Variants in UNC79 observed in about 807,000 individuals in gnomAD.
UNC79 encodes protein unc-79 homolog.
Under a neutral mutation model 283.1 loss-of-function variants are expected in UNC79, and 37 were observed. That is an observed-to-expected ratio of 0.13 (90% CI 0.10 to 0.17). UNC79 has a LOEUF of 0.17. Among genes scored for constraint, UNC79 ranks in the 10% least tolerant of loss-of-function variants. UNC79 has a pLI of 1.00. For synonymous variants in UNC79, 1,107 were observed against 1,200.2 expected, an observed-to-expected ratio of 0.92 and a Z score of 1.61; for missense variants, 2,272 against 3,211.1, an observed-to-expected ratio of 0.71 and a Z score of 7.07.
At chr14:93,558,323 G>A (rs971772272) in intron 14 of UNC79, among the ~76,000 whole-genome samples, 2 of 152,206 alleles carry the variant, frequency 1.3e-5, no homozygotes, top group Non-Finnish European at 2.9e-5. Context: ...TTGGGAGGCT[G>A]AGGCGGGCAG....
chr14:93,487,761 T>C lies in UNC79; in HGVS notation c.712+6T>C, dbSNP rs1272382751. On this transcript the variant is annotated splice_donor_region_variant and intron_variant, in intron 5 of 48. Transcript: ENST00000555664. ...GCAGTACACATCCAATCCAGGTAAGTGGAAATTGGAATGGTTTGACTAATT... is the reference window on the plus strand; with the variant it reads ...GCAGTACACATCCAATCCAGGTAAGCGGAAATTGGAATGGTTTGACTAATT... The C allele has an allele frequency of 1.9e-6, 3 of 1,609,382 alleles. No individual in the cohort carries two copies. The highest frequency in any genetic ancestry group is 4.5e-5 in the East Asian group (2 of 44,820).
intron 14 of UNC79, 94 bp downstream of exon 14, chr14:93,542,790 G>A: frequency 2.6e-6 from 3 of 1,173,130 alleles, no homozygotes; most frequent in Admixed American, 3.7e-5. Flanking sequence ...TGTCTGCAGA[G>A]GAGGAACATC....
intron 1 of UNC79, among the ~76,000 whole-genome samples, chr14:93,465,103 C>G (rs2057116710): frequency 6.6e-6 from 1 of 152,014 alleles, no homozygotes; most frequent in African/African-American, 2.4e-5. Flanking sequence ...TTTCTCTGTC[C>G]CACTTTCTTT....
intron 1 of UNC79, among the ~76,000 whole-genome samples, chr14:93,418,432 G>C (rs980301157): frequency 7.2e-5 from 11 of 151,726 alleles, no homozygotes; most frequent in African/African-American, 2.4e-4. Flanking sequence ...TGCCCCTACT[G>C]GGGGGTGCCT....
At chr14:93,445,273 C>T (rs115146313) in intron 1 of UNC79, among the ~76,000 whole-genome samples, 2,059 of 152,254 alleles carry the variant, frequency 0.014, 57 homozygotes, top group African/African-American at 0.048. Flanking sequence ...TTTACATCTG[C>T]CTTTCCAATC....
intron 1 of UNC79, among the ~76,000 whole-genome samples, chr14:93,364,090 C>T (rs565667694): frequency 1.3e-5 from 2 of 152,160 alleles, no homozygotes; most frequent in South Asian, 4.2e-4. Context: ...ATAAGAGACC[C>T]CTGCACACCA....
At chr14:93,553,674 T>C (rs546427367) in intron 14 of UNC79, among the ~76,000 whole-genome samples, 1 of 152,306 alleles carries the variant, frequency 6.6e-6, no homozygotes, top group South Asian at 2.1e-4. Context: ...CTTAGGCATA[T>C]CAGAATCATA....
At chr14:93,361,519 A>G (rs1362524080) in intron 1 of UNC79, among the ~76,000 whole-genome samples, 1 of 152,070 alleles carries the variant, frequency 6.6e-6, no homozygotes, top group Non-Finnish European at 1.5e-5. Context: ...TCAAAAAAAA[A>G]AAAAAAGAAA....
intron 1 of UNC79, among the ~76,000 whole-genome samples, chr14:93,370,185 A>G (rs1166994963): frequency 6.6e-6 from 1 of 152,242 alleles, no homozygotes; most frequent in Non-Finnish European, 1.5e-5. Context: ...TCTAAAAGAC[A>G]TAAAGAACGA....
chr14:93,670,349 G>A lies in UNC79; in HGVS notation c.6637-3002G>A, dbSNP rs184976163. On this transcript the variant is annotated intron_variant, in intron 40 of 48. Transcript: ENST00000555664. ...TCCCACCTTCATTTGCCAATTGCAGGCTCTGGTTGTTTTACCCGTGCTTTT... is the reference window on the plus strand; with the variant it reads ...TCCCACCTTCATTTGCCAATTGCAGACTCTGGTTGTTTTACCCGTGCTTTT... Among the ~76,000 whole-genome samples, 329 of 152,314 alleles carry A rather than the reference G, an allele frequency of 2.2e-3. 1 individual carries two copies. Among genetic ancestry groups the A allele is most frequent in the Non-Finnish European group, 3.9e-3 (265 of 68,028 alleles).
intron 5 of UNC79, among the ~76,000 whole-genome samples, chr14:93,491,752 T>C (rs2058735378): frequency 6.6e-6 from 1 of 152,172 alleles, no homozygotes; most frequent in African/African-American, 2.4e-5. Flanking sequence ...GAGTTGAATG[T>C]TGAGTTGAAT....
At chr14:93,417,814 C>T (rs1044999232) in intron 1 of UNC79, among the ~76,000 whole-genome samples, 5 of 149,784 alleles carry the variant, frequency 3.3e-5, no homozygotes, top group South Asian at 4.5e-4. Context: ...TTGATTGCAT[C>T]GACTCCTGAG....
intron 1 of UNC79, among the ~76,000 whole-genome samples, chr14:93,380,541 G>A (rs1468573147): frequency 6.6e-6 from 1 of 152,080 alleles, no homozygotes; most frequent in Non-Finnish European, 1.5e-5. Context: ...TTTTCTATGA[G>A]TACACCCTAT....
At chr14:93,551,071 A>G (rs1567096687) in intron 14 of UNC79, among the ~76,000 whole-genome samples, 1 of 151,944 alleles carries the variant, frequency 6.6e-6, no homozygotes, top group Non-Finnish European at 1.5e-5. Flanking sequence ...TTAAATCGAG[A>G]CGGAGTCTCG....
chr14:93,477,756 T>C (rs750519795), intron 4 of UNC79, 28 bp downstream of exon 4: 43 of 1,589,540 alleles, frequency 2.7e-5, no homozygotes, highest in Non-Finnish European at 3.7e-5. Context: ...TAATACTAGA[T>C]TATTTTTATG....
intron 1 of UNC79, among the ~76,000 whole-genome samples, chr14:93,363,714 T>C (rs574344592): frequency 6.6e-6 from 1 of 152,076 alleles, no homozygotes; most frequent in Non-Finnish European, 1.5e-5. Context: ...TATATCACTA[T>C]GTAATGCCTT....
intron 1 of UNC79, among the ~76,000 whole-genome samples, chr14:93,343,628 A>G (rs2053761318): frequency 6.6e-6 from 1 of 152,188 alleles, no homozygotes; most frequent in African/African-American, 2.4e-5. Context: ...CTAGAGAGGA[A>G]TGAATTTGAG....
At chr14:93,348,944 C>G (rs2053925907) in intron 1 of UNC79, among the ~76,000 whole-genome samples, 2 of 152,268 alleles carry the variant, frequency 1.3e-5, no homozygotes, top group South Asian at 4.1e-4. Context: ...GGGTCCCCTT[C>G]CGCACTGTGG....
chr14:93,483,267 C>T (rs1235796291), intron 4 of UNC79, among the ~76,000 whole-genome samples: 2 of 152,212 alleles, frequency 1.3e-5, no homozygotes, highest in East Asian at 1.9e-4. Context: ...TGTAGAATAG[C>T]GCTGTCTACA....
Sources: allele counts gnomAD v4.1 joint callset (sites outside exome capture counted in the v4.1 genomes callset), GRCh38; gene constraint gnomAD v4.1.1; transcripts MANE v1.5; gene names NCBI Gene and HGNC (gene_info 2026-07-23, HGNC 2026-07-21).